Variants in LMO7 observed in about 807,000 individuals in gnomAD.
LMO7 encodes the protein LIM domain only protein 7.
A neutral mutation model predicts 206.5 loss-of-function variants in LMO7; 120 were observed. That is an observed-to-expected ratio of 0.58 (90% CI 0.50 to 0.68). The LOEUF (loss-of-function observed/expected upper bound fraction) is 0.68, where lower values mean the gene tolerates loss of function less well. Ranked by LOEUF, LMO7 falls within the 30% of genes least tolerant of loss-of-function variation. The pLI, the probability that LMO7 is intolerant of heterozygous loss-of-function variation, is 0.00. For missense variants in LMO7, 1,959 were observed against 1,957.9 expected (o/e 1.00, Z -0.01); for synonymous variants, 706 against 681.5 (o/e 1.04, Z -0.56).
intron 2 of LMO7, among the ~76,000 whole-genome samples, chr13:75,628,888 G>C (rs935203522): frequency 6.6e-6 from 1 of 152,106 alleles, no homozygotes; most frequent in African/African-American, 2.4e-5. Context: ...CCCACCACTT[G>C]CTGCAAGAAA....
At chr13:75,756,789 C>T (rs959311564) in intron 3 of LMO7, among the ~76,000 whole-genome samples, 5 of 152,110 alleles carry the variant, frequency 3.3e-5, no homozygotes, top group Non-Finnish European at 4.4e-5. Context: ...ACCTGAAGAG[C>T]CTCAGACACT....
intron 1 of LMO7, among the ~76,000 whole-genome samples, chr13:75,650,632 A>G (rs1027684833): frequency 6.6e-6 from 1 of 152,212 alleles, no homozygotes; most frequent in Non-Finnish European, 1.5e-5. Flanking sequence ...CTTGGACTCA[A>G]TTCCCTTACT....
At chr13:75,733,629 C>T (rs546720101) in intron 3 of LMO7, among the ~76,000 whole-genome samples, 1 of 120,004 alleles carries the variant, frequency 8.3e-6, no homozygotes, top group African/African-American at 3.2e-5. Flanking sequence ...GTGCACTGCA[C>T]CCACTGTCCT....
At chr13:75,734,339 A>G (rs1476412629) in intron 3 of LMO7, among the ~76,000 whole-genome samples, 1 of 152,240 alleles carries the variant, frequency 6.6e-6, no homozygotes, top group Non-Finnish European at 1.5e-5. Flanking sequence ...TTAAAATGTT[A>G]GAAATCCTTA....
chr13:75,635,028 C>CAA (rs984451343), upstream of LMO7, among the ~76,000 whole-genome samples: 160 of 135,784 alleles, frequency 1.2e-3, 2 homozygotes, highest in Non-Finnish European at 4.6e-4. Flanking sequence ...CAAAACAAAA[C>CAA]AAAACAAAAC....
intron 3 of LMO7, among the ~76,000 whole-genome samples, chr13:75,730,421 G>A (rs1470270222): frequency 6.6e-6 from 1 of 151,842 alleles, no homozygotes; most frequent in Non-Finnish European, 1.5e-5. Context: ...TGCGTAGAGG[G>A]TTTTGTAGTA....
At chr13:75,802,879 A>G (rs1213234312) in intron 7 of LMO7, among the ~76,000 whole-genome samples, 1 of 152,216 alleles carries the variant, frequency 6.6e-6, no homozygotes, top group African/African-American at 2.4e-5. Context: ...ACAGAATTGC[A>G]ATGTCACATT....
chr13:75,821,633 T>G (rs2057577023), intron 14 of LMO7, 24 bp downstream of exon 14: 1 of 1,576,640 alleles, frequency 6.3e-7, no homozygotes, highest in Admixed American at 1.7e-5. Flanking sequence ...TCGGTTCATT[T>G]AGTCTGTTCT....
intron 1 of LMO7, among the ~76,000 whole-genome samples, chr13:75,651,777 C>T (rs528062569): frequency 6.6e-6 from 1 of 152,222 alleles, no homozygotes; most frequent in Admixed American, 6.5e-5. Context: ...TTGTCTGGGA[C>T]TAAAAGATGT....
intron 3 of LMO7, among the ~76,000 whole-genome samples, chr13:75,752,329 C>T (rs2047340310): frequency 6.6e-6 from 1 of 152,046 alleles, no homozygotes; most frequent in South Asian, 2.1e-4. Context: ...CGGGGTTTCA[C>T]CATGAGTTAT....
chr13:75,755,693 A>G (rs2047636903), intron 3 of LMO7, among the ~76,000 whole-genome samples: 1 of 152,154 alleles, frequency 6.6e-6, no homozygotes. Context: ...TCTATTCTAA[A>G]TTTTTGACTG....
intron 1 of LMO7, among the ~76,000 whole-genome samples, chr13:75,638,735 C>T (rs1593980854): frequency 6.6e-6 from 1 of 152,150 alleles, no homozygotes; most frequent in East Asian, 1.9e-4. Flanking sequence ...ACATCTATCT[C>T]TCTTGTCAGC....
intron 15 of LMO7, among the ~76,000 whole-genome samples, chr13:75,825,100 C>A (rs1160497881): frequency 6.6e-6 from 1 of 151,582 alleles, no homozygotes; most frequent in East Asian, 1.9e-4. Flanking sequence ...TTTTCCCATG[C>A]ATATTTACAT....
intron 1 of LMO7, 69 bp from the exon 2 acceptor site, chr13:75,713,108 TTAATC>T: frequency 1.0e-6 from 1 of 989,664 alleles, no homozygotes; most frequent in Non-Finnish European, 1.6e-6. Context: ...TGCATATTAA[TTAATC>T]TAATACTGAA....
intron 1 of LMO7, among the ~76,000 whole-genome samples, chr13:75,684,632 A>G (rs1362137151): frequency 6.7e-6 from 1 of 148,810 alleles, no homozygotes; most frequent in Non-Finnish European, 1.5e-5. Context: ...CAACCTTCTT[A>G]GGTAAATAGG....
intron 3 of LMO7, among the ~76,000 whole-genome samples, chr13:75,742,534 A>G (rs913090576): frequency 6.6e-6 from 1 of 152,232 alleles, no homozygotes; most frequent in Non-Finnish European, 1.5e-5. Flanking sequence ...CACATAGACC[A>G]ATGGAACAGA....
intron 1 of LMO7, among the ~76,000 whole-genome samples, chr13:75,645,697 T>C (rs2036946022): frequency 6.6e-6 from 1 of 152,218 alleles, no homozygotes; most frequent in African/African-American, 2.4e-5. Context: ...GAAGAAAATA[T>C]TGTCAGTCTA....
chr13:75,703,739 T>TGTGTGTGTGTGCGCGC (rs57290262), intron 1 of LMO7, among the ~76,000 whole-genome samples: 5 of 151,672 alleles, frequency 3.3e-5, no homozygotes, highest in African/African-American at 1.2e-4. Flanking sequence ...TGTGTGTGTG[T>TGTGTGTGTGTGCGCGC]GCACTGTGAG....
In LMO7 at chr13:75,690,024, C is replaced by A. The variant is rs2041330776; in HGVS notation, c.70-23158C>A. On this transcript the variant is annotated intron_variant, in intron 1 of 30. Transcript: ENST00000377534. Reference sequence around the variant, plus strand: ...GCTGTGGAAAGAGAACCGAAGAGAACCCTTTCCGACTAAAGAGCCAGGAAG... The same window carrying A: ...GCTGTGGAAAGAGAACCGAAGAGAAACCTTTCCGACTAAAGAGCCAGGAAG... 2.0e-5 allele frequency among the ~76,000 whole-genome samples: 3 copies of A among 151,920 alleles called. No individual in the cohort carries two copies. In the South Asian group the frequency reaches 6.2e-4, roughly 32 times the overall value.
Sources: allele counts gnomAD v4.1 joint callset (sites outside exome capture counted in the v4.1 genomes callset), GRCh38; gene constraint gnomAD v4.1.1; transcripts MANE v1.5; gene names NCBI Gene and HGNC (gene_info 2026-07-23, HGNC 2026-07-21).